Variants in TESK2 observed in about 807,000 individuals in gnomAD.
TESK2 encodes testis associated actin remodelling kinase 2, also known as dual specificity testis-specific protein kinase 2.
Under a neutral mutation model 57.1 loss-of-function variants are expected in TESK2, and 39 were observed. The ratio of observed to expected loss-of-function variants is 0.68; its 90% CI spans 0.53 to 0.89. The LOEUF (loss-of-function observed/expected upper bound fraction) is 0.89, where lower values mean the gene tolerates loss of function less well. Among genes scored for constraint, TESK2 ranks in the 40% least tolerant of loss-of-function variants. TESK2 has a pLI of 0.00. For synonymous variants in TESK2, 249 were observed against 267.9 expected (o/e 0.93, Z 0.69); for missense variants, 646 against 732.1 (o/e 0.88, Z 1.36).
Position 45,461,161 on chromosome 1 carries a change from GTT to G in TESK2, c.-86-3292_-86-3291del, listed in dbSNP as rs5773874. The stretch of plus-strand genomic sequence containing the variant: ...CAGGTGTGAACTGCCCCTGGCCACT[GTT>G]TTTTTTTTTTAAACATCAGGAATTT... On this transcript the variant is annotated intron_variant, in intron 1 of 10. Transcript: ENST00000372086. Among the ~76,000 whole-genome samples the G allele has an allele frequency of 6.8e-4, 101 of 148,826 alleles. No homozygotes were observed. The East Asian group carries it at 0.013, about 19-fold the overall frequency.
intron 1 of TESK2, among the ~76,000 whole-genome samples, chr1:45,479,156 T>C (rs974938613): frequency 1.3e-5 from 2 of 152,104 alleles, no homozygotes; most frequent in African/African-American, 4.8e-5. Context: ...TTAACATCCT[T>C]CCAAAATACA....
chr1:45,435,917 G>A (rs967121127), intron 2 of TESK2, among the ~76,000 whole-genome samples: 9 of 151,502 alleles, frequency 5.9e-5, no homozygotes, highest in African/African-American at 9.7e-5. Flanking sequence ...CCCAGTGTAC[G>A]TTCTTGGTAC....
At chr1:45,442,062 G>T (rs372775157) in intron 2 of TESK2, among the ~76,000 whole-genome samples, 2 of 151,968 alleles carry the variant, frequency 1.3e-5, no homozygotes, top group Non-Finnish European at 2.9e-5. Flanking sequence ...CCACCCTCCC[G>T]AGTAGCTGGG....
chr1:45,404,607 G>A (rs61791369), intron 3 of TESK2, among the ~76,000 whole-genome samples: 39,156 of 150,668 alleles, frequency 0.26, 5,232 homozygotes, highest in East Asian at 0.36. Context: ...GCAGTGGCGC[G>A]ATCTTGGCTC....
intron 2 of TESK2, among the ~76,000 whole-genome samples, chr1:45,429,031 C>T (rs1175905447): frequency 6.6e-6 from 1 of 151,146 alleles, no homozygotes; most frequent in Non-Finnish European, 1.5e-5. Flanking sequence ...CCATGTTAGC[C>T]AGGATGGTCT....
chr1:45,379,493 G>A (rs915229813), intron 4 of TESK2, among the ~76,000 whole-genome samples: 5 of 152,046 alleles, frequency 3.3e-5, no homozygotes, highest in East Asian at 1.9e-4. Context: ...TATAAATAAC[G>A]CATGAGTTTG....
chr1:45,423,488 C>T (rs1410926262), intron 2 of TESK2, among the ~76,000 whole-genome samples: 1 of 148,814 alleles, frequency 6.7e-6, no homozygotes, highest in Non-Finnish European at 1.5e-5. Flanking sequence ...GCCTGGGAGG[C>T]GGGGCCCGCA....
At position 45,421,712 on chromosome 1, in the gene TESK2, G is replaced by T. The variant is rs776882200; in HGVS notation, c.344+13C>A. ...AGTTTTCTCATTGATCAGAAGGAAG[G>T]AAAAGCCATTACCTAAGGATGTTGG... On this transcript the variant is annotated intron_variant, in intron 3 of 10. Coordinates refer to ENST00000372086, the MANE Select transcript of TESK2 (RefSeq NM_007170.3). 1.2e-6 allele frequency: 2 copies of T among 1,613,692 alleles called. No homozygotes were observed. Among genetic ancestry groups the T allele is most frequent in the Admixed American group, 3.3e-5 (2 of 59,958 alleles).
At chr1:45,476,915 G>A (rs1485825360) in intron 1 of TESK2, among the ~76,000 whole-genome samples, 1 of 151,770 alleles carries the variant, frequency 6.6e-6, no homozygotes, top group East Asian at 2.0e-4. Flanking sequence ...GAGAGGCCAA[G>A]GGGAGGATCC....
At chr1:45,490,230 G>A (rs1485097405) in intron 1 of TESK2, among the ~76,000 whole-genome samples, 1 of 152,160 alleles carries the variant, frequency 6.6e-6, no homozygotes, top group Admixed American at 6.5e-5. Flanking sequence ...TCTTCTCAGA[G>A]GTATACAATT....
At chr1:45,367,026 C>CAGGAGGCTG (rs2149268755) in intron 4 of TESK2, among the ~76,000 whole-genome samples, 1 of 152,100 alleles carries the variant, frequency 6.6e-6, no homozygotes, top group African/African-American at 2.4e-5. Context: ...CTCAGCTACT[C>CAGGAGGCTG]AGGAGGCTGA....
chr1:45,472,588 A>G (rs887303829), intron 1 of TESK2, among the ~76,000 whole-genome samples: 4 of 150,846 alleles, frequency 2.7e-5, no homozygotes, highest in Admixed American at 6.6e-5. Context: ...GTGATCAAGT[A>G]GACATATGAG....
intron 3 of TESK2, among the ~76,000 whole-genome samples, chr1:45,407,829 G>C (rs1213834209): frequency 2.6e-5 from 4 of 152,134 alleles, no homozygotes; most frequent in Non-Finnish European, 5.9e-5. Context: ...AGCAGCATGA[G>C]AAAGGACTTA....
intron 4 of TESK2, among the ~76,000 whole-genome samples, chr1:45,370,080 A>T (rs1648113546): frequency 6.6e-6 from 1 of 152,186 alleles, no homozygotes; most frequent in Admixed American, 6.5e-5. Flanking sequence ...ATGGATAAAG[A>T]GGCAGGAAAA....
chr1:45,467,293 A>G (rs918033332), intron 1 of TESK2, among the ~76,000 whole-genome samples: 2 of 152,090 alleles, frequency 1.3e-5, no homozygotes, highest in African/African-American at 4.8e-5. Context: ...TATTTATTAT[A>G]CTGTACTCTT....
intron 4 of TESK2, among the ~76,000 whole-genome samples, chr1:45,357,240 A>AATGAATGT (rs1553143363): frequency 2.5e-5 from 3 of 122,302 alleles, no homozygotes; most frequent in African/African-American, 1.1e-4. Flanking sequence ...TAAATAAATA[A>AATGAATGT]ATGTATGTAT....
intron 2 of TESK2, among the ~76,000 whole-genome samples, chr1:45,438,456 A>G (rs1157530335): frequency 6.6e-6 from 1 of 152,236 alleles, no homozygotes; most frequent in Non-Finnish European, 1.5e-5. Context: ...ACACGGTGCC[A>G]CTGTACTCCA....
chr1:45,430,912 C>T (rs1650924156), intron 2 of TESK2, among the ~76,000 whole-genome samples: 1 of 152,136 alleles, frequency 6.6e-6, no homozygotes, highest in African/African-American at 2.4e-5. Context: ...GGCAGAATCA[C>T]CCAAAAAATT....
intron 2 of TESK2, among the ~76,000 whole-genome samples, chr1:45,442,169 C>G (rs1275533082): frequency 1.3e-5 from 2 of 152,160 alleles, no homozygotes; most frequent in Admixed American, 6.5e-5. Flanking sequence ...CTCCCAACCT[C>G]AGGTGATCCA....
Sources: allele counts gnomAD v4.1 joint callset (sites outside exome capture counted in the v4.1 genomes callset), GRCh38; gene constraint gnomAD v4.1.1; transcripts MANE v1.5; gene names NCBI Gene and HGNC (gene_info 2026-07-23, HGNC 2026-07-21).